Variants in HS3ST3B1 observed in about 807,000 individuals in gnomAD.
HS3ST3B1 encodes heparan sulfate-glucosamine 3-sulfotransferase 3B1.
A neutral mutation model predicts 21.3 loss-of-function variants in HS3ST3B1; 13 were observed. That is an observed-to-expected ratio of 0.61 (90% CI 0.40 to 0.97). The LOEUF (loss-of-function observed/expected upper bound fraction) is 0.97. Among genes scored for constraint, HS3ST3B1 ranks in the 50% least tolerant of loss-of-function variants. The pLI is 0.00. For missense variants in HS3ST3B1, 459 were observed against 554.8 expected, an observed-to-expected ratio of 0.83 and a Z score of 1.73; for synonymous variants, 234 against 254.8, an observed-to-expected ratio of 0.92 and a Z score of 0.78.
intron 1 of HS3ST3B1, among the ~76,000 whole-genome samples, chr17:14,344,072 T>C (rs1332945447): frequency 1.3e-5 from 2 of 152,054 alleles, no homozygotes; most frequent in African/African-American, 4.8e-5. Flanking sequence ...AATTGTTTTT[T>C]AGCTTTTAGT....
chr17:14,333,702 C>T (rs1323635393), intron 1 of HS3ST3B1, among the ~76,000 whole-genome samples: 1 of 151,742 alleles, frequency 6.6e-6, no homozygotes, highest in East Asian at 1.9e-4. Context: ...CATCAGGGGT[C>T]GGGGGATTCT....
At chr17:14,307,374 C>T (rs1909167913) in intron 1 of HS3ST3B1, among the ~76,000 whole-genome samples, 1 of 148,818 alleles carries the variant, frequency 6.7e-6, no homozygotes, top group Non-Finnish European at 1.5e-5. Flanking sequence ...AATGACCTGT[C>T]ACAGCTTCTG....
intron 1 of HS3ST3B1, among the ~76,000 whole-genome samples, chr17:14,335,256 G>A (rs951775293): frequency 1.2e-4 from 18 of 152,116 alleles, no homozygotes; most frequent in Non-Finnish European, 2.4e-4. Flanking sequence ...CAAAACCTCT[G>A]GAGACTCCAC....
rs141234247 is a variant in HS3ST3B1, at chr17:14,336,932, G to A, written c.555-8096G>A. Among the ~76,000 whole-genome samples, 125 of 152,164 alleles carry A rather than the reference G, an allele frequency of 8.2e-4. 1 individual carries two copies. In the East Asian group the frequency reaches 0.019, roughly 23 times the overall value. On this transcript the variant is annotated intron_variant, in intron 1 of 1. Transcript: ENST00000360954. ...AAGATTTTGGGGACACATCTGGTGAGGGCCTTCTTGCTGGTGGGGACTCTG... is the reference window on the plus strand; with the variant it reads ...AAGATTTTGGGGACACATCTGGTGAAGGCCTTCTTGCTGGTGGGGACTCTG...
rs761879291 is a variant in HS3ST3B1 at position 14,345,237 on chromosome 17, C to T, written c.764C>T (p.Thr255Met). ...RPDIPTFESL[T>M]FKNRTAGLID... ...GACATCCCCACCTTCGAGAGCTTGA[C>T]GTTCAAAAACAGGACAGCGGGCCTC... The change falls in exon 2 of 2, where the codon ACG (threonine) becomes ATG (methionine). Residue 255 changes from threonine to methionine, a missense_variant. Thr to Met is a moderately conservative substitution (Grantham distance 81). Transcript: ENST00000360954. 10 of 1,363,744 alleles carry T rather than the reference C, an allele frequency of 7.3e-6. 1 individual carries two copies. In the Admixed American group the frequency reaches 1.9e-4, roughly 26 times the overall value. 84.5% of individuals were successfully genotyped at this position (1,363,744 alleles called of 1,614,324 possible).
chr17:14,344,990 C>T, intron 1 of HS3ST3B1, 38 bp from the exon 2 acceptor site: 2 of 1,594,536 alleles, frequency 1.3e-6, no homozygotes, highest in South Asian at 1.1e-5. Context: ...AGAGAGGCGT[C>T]ACCTTCTGAT....
rs750076105 is a variant in HS3ST3B1, at chr17:14,301,693, C to T, written c.175C>T (p.Pro59Ser). The T allele has an allele frequency of 1.7e-5, 28 of 1,601,282 alleles. No individual in the cohort carries two copies. Among genetic ancestry groups the T allele is most frequent in the Non-Finnish European group, 2.2e-5 (26 of 1,176,042 alleles). ...GTGCGCCGGCTCCTGCGCCGCCGCG[C>T]CGGGGCTGCTGCTCCTGGGCTCTGG... ...YSCAGSCAAA[P>S]GLLLLGSGSR... is the part of the protein sequence containing the mutation. The change falls in exon 1 of 2, where the codon CCG (proline) becomes TCG (serine). Residue 59 changes from proline to serine, a missense_variant. This residue lies in a region of HS3ST3B1 where 317 missense variants were observed against 278.6 expected (regional missense o/e 1.14). Coordinates refer to ENST00000360954, the MANE Select transcript of HS3ST3B1 (RefSeq NM_006041.3).
At chr17:14,322,043 T>C (rs1054280583) in intron 1 of HS3ST3B1, among the ~76,000 whole-genome samples, 3 of 151,664 alleles carry the variant, frequency 2.0e-5, no homozygotes, top group African/African-American at 7.3e-5. Context: ...ATAGGCCCTA[T>C]AATTCCAAAA....
chr17:14,308,228 C>T (rs144363407), intron 1 of HS3ST3B1, among the ~76,000 whole-genome samples: 49 of 152,186 alleles, frequency 3.2e-4, no homozygotes, highest in African/African-American at 1.2e-3. Flanking sequence ...AAGTTTAAGA[C>T]GTGAGAAGCA....
intron 1 of HS3ST3B1, chr17:14,329,142 G>A (rs1207320082): frequency 6.6e-6 from 1 of 152,008 alleles, no homozygotes; most frequent in Non-Finnish European, 1.5e-5. Flanking sequence ...CAAACTCCTA[G>A]TGGTCCTGCA....
At chr17:14,304,950 G>C (rs1909083701) in intron 1 of HS3ST3B1, 1 of 152,200 alleles carries the variant, frequency 6.6e-6, no homozygotes, top group African/African-American at 2.4e-5. Flanking sequence ...CAGCCTGCTA[G>C]TGGCCTAACC....
intron 1 of HS3ST3B1, among the ~76,000 whole-genome samples, chr17:14,330,600 G>T (rs1433498491): frequency 6.8e-6 from 1 of 146,300 alleles, no homozygotes; most frequent in Non-Finnish European, 1.5e-5. Flanking sequence ...GCGGGTGGAG[G>T]TTTAGTGATT....
chr17:14,301,608 G>A lies in HS3ST3B1; in HGVS notation c.90G>A (p.Arg30=). Residue 30 remains arginine (R), a synonymous_variant, in exon 1 of 2, where the codon AGG becomes AGA. Coordinates refer to ENST00000360954, the MANE Select transcript of HS3ST3B1 (RefSeq NM_006041.3). ...PQPPPPPPPV[R]RKLALLFAML... is the part of the protein sequence containing the mutation. ...CGCCGCCGCCCCCGCCGCCGGTGAG[G>A]AGGAAGCTCGCGCTGCTCTTCGCCA... 1 of 1,605,502 alleles carries A rather than the reference G, an allele frequency of 6.2e-7. No individual in the cohort carries two copies. Among genetic ancestry groups the A allele is most frequent in the Non-Finnish European group, 8.5e-7 (1 of 1,178,754 alleles).
At position 14,346,795 on chromosome 17, in the gene HS3ST3B1, C is replaced by A. The variant is rs928487298; in HGVS notation, c.*1149C>A. 1 of 152,212 alleles carries A rather than the reference C, an allele frequency of 6.6e-6. No homozygotes were observed. The allele number at this position is 152,212 out of a possible 1,614,324, so 9.4% of individuals were successfully genotyped here. Reference sequence around the variant, plus strand: ...TGCTGCGTTCCCCAGGCAGACAGTTCTGCTTTGACACACCAAAGAATCCCG... The same window carrying A: ...TGCTGCGTTCCCCAGGCAGACAGTTATGCTTTGACACACCAAAGAATCCCG... On this transcript the variant is annotated 3_prime_UTR_variant, in exon 2 of 2. Transcript: ENST00000360954.
chr17:14,305,415 T>G (rs112708858), intron 1 of HS3ST3B1: 4 of 152,346 alleles, frequency 2.6e-5, no homozygotes, highest in Non-Finnish European at 5.9e-5. Flanking sequence ...ATTTCACATA[T>G]GCTAAGATGG....
At chr17:14,314,647 A>G (rs889338344) in intron 1 of HS3ST3B1, among the ~76,000 whole-genome samples, 5 of 152,160 alleles carry the variant, frequency 3.3e-5, no homozygotes, top group African/African-American at 1.2e-4. Flanking sequence ...CTGCTTTTAT[A>G]AAGGATCAGA....
intron 1 of HS3ST3B1, among the ~76,000 whole-genome samples, chr17:14,312,375 G>A (rs1441269984): frequency 5.9e-5 from 9 of 152,108 alleles, no homozygotes; most frequent in African/African-American, 1.9e-4. Context: ...ATTCAATGCC[G>A]TGTTCCTTCT....
chr17:14,302,168 C>A, intron 1 of HS3ST3B1, 96 bp downstream of exon 1: 1 of 1,388,236 alleles, frequency 7.2e-7, no homozygotes, highest in Admixed American at 2.4e-5. Context: ...AGGGTTACAG[C>A]TTCGGACCAC....
intron 1 of HS3ST3B1, among the ~76,000 whole-genome samples, chr17:14,307,447 A>T: frequency 6.6e-6 from 1 of 152,086 alleles, no homozygotes; most frequent in East Asian, 1.9e-4. Context: ...TTGAAAAGTC[A>T]ATATGTCATA....
Sources: allele counts gnomAD v4.1 joint callset (sites outside exome capture counted in the v4.1 genomes callset), GRCh38; gene constraint gnomAD v4.1.1; regional missense constraint gnomAD v4.1.1; transcripts MANE v1.5; gene names NCBI Gene and HGNC (gene_info 2026-07-23, HGNC 2026-07-21).